The following PAG1 variants were observed in gnomAD, a reference collection of about 807,000 sequenced individuals.
PAG1 encodes the protein phosphoprotein membrane anchor with glycosphingolipid microdomains 1.
PAG1 carries 23 observed loss-of-function variants against 31.7 expected under a neutral mutation model. The observed-to-expected ratio is 0.73, with a 90% CI of 0.52 to 1.03. The LOEUF (loss-of-function observed/expected upper bound fraction) is 1.03. PAG1 is among the 50% of genes least tolerant of loss of function. The pLI, the probability that PAG1 is intolerant of heterozygous loss-of-function variation, is 0.00. For missense variants in PAG1, 473 were observed against 540.7 expected (o/e 0.87, Z 1.24); for synonymous variants, 214 against 210.3 (o/e 1.02, Z -0.15).
intron 2 of PAG1, among the ~76,000 whole-genome samples, chr8:81,044,894 CT>C (rs1404435215): frequency 7.9e-5 from 12 of 152,180 alleles, no homozygotes; most frequent in African/African-American, 2.4e-4. Context: ...TCTCCATGAG[CT>C]GTTTCTGGCA....
In PAG1 at chr8:80,982,356, C is replaced by T. The variant is rs961821535; in HGVS notation, c.877-1862G>A. Among the ~76,000 whole-genome samples, 17 of 152,130 alleles carry T rather than the reference C, an allele frequency of 1.1e-4. No individual in the cohort carries two copies. The South Asian group carries it at 2.5e-3, about 22-fold the overall frequency. On this transcript the variant is annotated intron_variant, in intron 7 of 8. Transcript: ENST00000220597. ...GACCTACCCGCTGCATTTGGCAGAG[C>T]GGCCCGCCACTCCTTCCTTCCTGGA... is the stretch of plus-strand genomic sequence containing the variant.
chr8:81,001,789 C>T (rs1291290353), intron 3 of PAG1, among the ~76,000 whole-genome samples: 3 of 152,192 alleles, frequency 2.0e-5, no homozygotes, highest in Admixed American at 6.5e-5. Flanking sequence ...CATGCAGCTA[C>T]AGGCTCTGTC....
chr8:80,982,022 T>C (rs1035015657), intron 7 of PAG1, among the ~76,000 whole-genome samples: 1 of 152,008 alleles, frequency 6.6e-6, no homozygotes, highest in Middle Eastern at 3.2e-3. Flanking sequence ...CATACCACCA[T>C]GCCCAGTTAA....
chr8:80,980,771 C>T (rs1807283893), intron 7 of PAG1, among the ~76,000 whole-genome samples: 1 of 152,182 alleles, frequency 6.6e-6, no homozygotes, highest in African/African-American at 2.4e-5. Flanking sequence ...ACTACTGTTT[C>T]AATTCCTAAT....
At chr8:81,004,841 C>A (rs374423043) in intron 3 of PAG1, among the ~76,000 whole-genome samples, 7 of 152,150 alleles carry the variant, frequency 4.6e-5, no homozygotes, top group African/African-American at 1.7e-4. Flanking sequence ...CCAAAGACAG[C>A]CTTTGCATGT....
At chr8:80,999,361 G>C (rs1807744054) in intron 3 of PAG1, among the ~76,000 whole-genome samples, 1 of 152,186 alleles carries the variant, frequency 6.6e-6, no homozygotes, top group Non-Finnish European at 1.5e-5. Flanking sequence ...CACACCCAAA[G>C]CACAGAGGGT....
At chr8:81,042,596 GC>G (rs113367910) in intron 2 of PAG1, among the ~76,000 whole-genome samples, 12,302 of 151,840 alleles carry the variant, frequency 0.081, 1,048 homozygotes, top group African/African-American at 0.21. Context: ...TTTTGTTCAG[GC>G]TAGTAGATTT....
At chr8:81,062,980 A>AT (rs1319583034) in intron 2 of PAG1, among the ~76,000 whole-genome samples, 1 of 152,234 alleles carries the variant, frequency 6.6e-6, no homozygotes, top group Admixed American at 6.5e-5. Flanking sequence ...TATTTTAAAA[A>AT]TCCACTAAAT....
intron 3 of PAG1, among the ~76,000 whole-genome samples, chr8:80,994,989 A>G (rs1807640502): frequency 1.3e-5 from 2 of 152,246 alleles, no homozygotes; most frequent in African/African-American, 4.8e-5. Context: ...GCCATCCCTG[A>G]GCACAGACAT....
chr8:81,076,610 T>C (rs1483381035), intron 1 of PAG1, among the ~76,000 whole-genome samples: 2 of 152,186 alleles, frequency 1.3e-5, no homozygotes, highest in African/African-American at 2.4e-5. Flanking sequence ...CCAACCCCTA[T>C]CTGCAAAACA....
intron 2 of PAG1, among the ~76,000 whole-genome samples, chr8:81,064,212 T>A (rs1586197605): frequency 6.6e-6 from 1 of 151,094 alleles, no homozygotes; most frequent in African/African-American, 2.4e-5. Flanking sequence ...GCAGGGGGAG[T>A]GGGGATGTTT....
intron 3 of PAG1, among the ~76,000 whole-genome samples, chr8:80,995,302 CTTCT>C (rs1230638421): frequency 6.6e-6 from 1 of 152,218 alleles, no homozygotes; most frequent in African/African-American, 2.4e-5. Context: ...TAATACAGAA[CTTCT>C]TTCTTCCTAT....
At chr8:81,072,313 C>A (rs538652334) in intron 1 of PAG1, among the ~76,000 whole-genome samples, 1 of 152,276 alleles carries the variant, frequency 6.6e-6, no homozygotes, top group Admixed American at 6.5e-5. Flanking sequence ...TATTTAGAGT[C>A]CAATGAGGAA....
intron 1 of PAG1, among the ~76,000 whole-genome samples, chr8:81,087,341 CAAA>C (rs34830995): frequency 3.1e-4 from 30 of 98,282 alleles, no homozygotes; most frequent in Non-Finnish European, 2.8e-4. Flanking sequence ...GACTCTGTCT[CAAA>C]AAAAAAAAAA....
intron 1 of PAG1, among the ~76,000 whole-genome samples, chr8:81,082,965 GA>G (rs1312509189): frequency 6.8e-6 from 1 of 147,606 alleles, no homozygotes; most frequent in Non-Finnish European, 1.5e-5. Flanking sequence ...TATCACAAGT[GA>G]TTTTTTTTTT....
chr8:80,993,253 C>CACTGGCACCAGCACTGACT lies in PAG1; in HGVS notation c.-27_-26insAGTCAGTGCTGGTGCCAGT, dbSNP rs1563621129. The CACTGGCACCAGCACTGACT allele has an allele frequency of 6.3e-7, 1 of 1,588,408 alleles. No homozygotes were observed. The highest frequency in any genetic ancestry group is 2.3e-5 in the East Asian group (1 of 43,902). On this transcript the variant is annotated 5_prime_UTR_variant, in exon 4 of 9. Coordinates refer to ENST00000220597, the MANE Select transcript of PAG1 (RefSeq NM_018440.4). The stretch of plus-strand genomic sequence containing the variant: ...GGCAGGAGCAGGCACTGGCACCAGC[C>CACTGGCACCAGCACTGACT]GAGGGAATCAGTCAGTCCTTCAAAG...
rs1807161740 is a variant in PAG1 at position 80,975,569 on chromosome 8, A to G, written c.*975T>C. On this transcript the variant is annotated 3_prime_UTR_variant, in exon 9 of 9. Transcript: ENST00000220597. ...GAGATGCCACACTGTTGGTGTGGGC[A>G]GCGGAGACCATGGGAAATACACATT... 6.6e-6 allele frequency: 1 copy of G among 152,216 alleles called. No homozygotes were observed. The highest frequency in any genetic ancestry group is 1.5e-5 in the Non-Finnish European group (1 of 68,042). The allele number at this position is 152,216 out of a possible 1,614,324, so 9.4% of individuals were successfully genotyped here.
chr8:81,080,214 A>T (rs915067780), intron 1 of PAG1, among the ~76,000 whole-genome samples: 1 of 152,114 alleles, frequency 6.6e-6, no homozygotes, highest in South Asian at 2.1e-4. Context: ...TGAAGGAGAT[A>T]TATTCTAGTT....
chr8:80,991,649 T>C, intron 4 of PAG1, 119 bp from the exon 5 acceptor site: 1 of 765,548 alleles, frequency 1.3e-6, no homozygotes, highest in South Asian at 1.5e-5. Context: ...AGAACCATGT[T>C]TATTTTGTCA....
Sources: gnomAD v4.1 joint callset for allele counts (sites outside exome capture counted in the v4.1 genomes callset) on GRCh38, gnomAD v4.1.1 for gene constraint, MANE v1.5 for transcripts, NCBI Gene and HGNC (gene_info 2026-07-23, HGNC 2026-07-21) for gene names.